The following TOR1AIP2 variants were observed in gnomAD, a reference collection of about 807,000 sequenced individuals.
TOR1AIP2 encodes torsin-1A-interacting protein 2.
A neutral mutation model predicts 32.6 loss-of-function variants in TOR1AIP2; 20 were observed. That is an observed-to-expected ratio of 0.61 (90% CI 0.43 to 0.89). The LOEUF is 0.89. Ranked by LOEUF, TOR1AIP2 falls within the 40% of genes least tolerant of loss-of-function variation. The pLI is 0.00. For synonymous variants in TOR1AIP2, 214 were observed against 210.8 expected, an observed-to-expected ratio of 1.02 and a Z score of -0.13; for missense variants, 456 against 553.8, an observed-to-expected ratio of 0.82 and a Z score of 1.77.
At chr1:179,866,827 CA>C (rs1297541788) in intron 2 of TOR1AIP2, among the ~76,000 whole-genome samples, 2 of 152,186 alleles carry the variant, frequency 1.3e-5, no homozygotes, top group Non-Finnish European at 2.9e-5. Flanking sequence ...TTGGAATTTG[CA>C]GATGTTATCA....
intron 3 of TOR1AIP2, chr1:179,864,442 G>C (rs937731681): frequency 1.9e-6 from 2 of 1,046,004 alleles, no homozygotes; most frequent in African/African-American, 3.4e-5. Context: ...CACAGTATAG[G>C]ACTTCCCCTC....
chr1:179,861,992 A>T, intron 3 of TOR1AIP2: 5 of 985,010 alleles, frequency 5.1e-6, no homozygotes, highest in Non-Finnish European at 6.0e-6. Context: ...ATGCCATGGC[A>T]CCCGGCATGA....
intron 3 of TOR1AIP2, chr1:179,862,257 T>C: frequency 1.0e-6 from 1 of 979,206 alleles, no homozygotes; most frequent in Non-Finnish European, 1.2e-6. Flanking sequence ...GAATGTTTCT[T>C]AGTATATGTC....
chr1:179,873,192 T>C (rs575382756), intron 2 of TOR1AIP2, among the ~76,000 whole-genome samples: 12 of 152,262 alleles, frequency 7.9e-5, no homozygotes, highest in Admixed American at 3.9e-4. Flanking sequence ...GGGTTCGGTG[T>C]TTTTTGTTTT....
At chr1:179,854,740 G>A (rs942870100) in intron 3 of TOR1AIP2, among the ~76,000 whole-genome samples, 5 of 151,886 alleles carry the variant, frequency 3.3e-5, no homozygotes, top group African/African-American at 7.3e-5. Flanking sequence ...GCATGGTGGC[G>A]CATGCCTGTA....
At chr1:179,849,643 A>G (rs535146446) in intron 5 of TOR1AIP2, among the ~76,000 whole-genome samples, 9 of 151,558 alleles carry the variant, frequency 5.9e-5, no homozygotes, top group Non-Finnish European at 1.0e-4. Flanking sequence ...TGCAGTGGCT[A>G]TTCACAGGGG....
rs1695924772 is a variant in TOR1AIP2 at position 179,846,790 on chromosome 1, C to T, written c.694G>A (p.Ala232Thr). 1 of 1,608,800 alleles carries T rather than the reference C, an allele frequency of 6.2e-7. No homozygotes were observed. The highest frequency in any genetic ancestry group is 1.7e-5 in the Admixed American group (1 of 59,824). Residue 232 changes from alanine to threonine, a missense_variant, in exon 7 of 7, where the codon GCA (alanine) becomes ACA (threonine). Transcript: ENST00000609928. ...ILVVLVVAVV[A>T]SSVNSYYSSP... ...GAATAGTAGCTATTCACAGAACTTG[C>T]CACAACAGCCACAACCAGGACGACA... is the stretch of plus-strand genomic sequence containing the variant.
In TOR1AIP2 at chr1:179,846,706, TA is replaced by T. The variant is rs1157767888; in HGVS notation, c.777del (p.Phe259LeufsTer50). 1.2e-6 allele frequency: 2 copies of T among 1,613,994 alleles called. No individual in the cohort carries two copies. The highest frequency in any genetic ancestry group is 2.7e-5 in the African/African-American group (2 of 74,888). On this transcript the variant is annotated frameshift_variant, in exon 7 of 7. Coordinates refer to ENST00000609928, the MANE Select transcript of TOR1AIP2 (RefSeq NM_001199260.2). LOFTEE classifies it high-confidence loss of function. ...CCTGGAAATTTATCTTCCAATTGGC[TA>T]AACTGGGCCAAAAAGGCCTCCAAAG... ...NPALEAFLAQ[F>X]SQLEDKFPGQ...
rs749587597 is a variant in TOR1AIP2 at position 179,851,200 on chromosome 1, T to C, written c.198A>G (p.Thr66=). Residue 66 remains threonine, a synonymous_variant, in exon 5 of 7, where the codon ACA becomes ACG. Coordinates refer to ENST00000609928, the MANE Select transcript of TOR1AIP2 (RefSeq NM_001199260.2). The part of the protein sequence containing the change: ...VETEGPESAD[T]GDKSESPDEA... The stretch of plus-strand genomic sequence containing the variant: ...CATCTGGACTTTCTGATTTATCACC[T>C]GTATCTGCACTTTCTGGACCTTCTG... The C allele has an allele frequency of 5.6e-6, 9 of 1,613,970 alleles. No homozygotes were observed. Among genetic ancestry groups the C allele is most frequent in the Non-Finnish European group, 7.6e-6 (9 of 1,180,042 alleles).
intron 3 of TOR1AIP2, chr1:179,859,749 A>G (rs1441044060): frequency 1.0e-6 from 1 of 985,314 alleles, no homozygotes; most frequent in Non-Finnish European, 1.2e-6. Context: ...CTTTACACCC[A>G]AGACCATCTG....
intron 3 of TOR1AIP2, chr1:179,859,751 G>A: frequency 3.0e-6 from 3 of 985,362 alleles, no homozygotes; most frequent in Non-Finnish European, 3.6e-6. Flanking sequence ...TTACACCCAA[G>A]ACCATCTGAC....
Position 179,846,617 on chromosome 1 carries a change from G to T in TOR1AIP2, c.867C>A (p.Asn289Lys). 2 of 1,614,150 alleles carry T rather than the reference G, an allele frequency of 1.2e-6. No individual in the cohort carries two copies. The highest frequency in any genetic ancestry group is 2.2e-5 in the East Asian group (1 of 44,886). The part of the protein sequence containing the change: ...KFLQKHLNAS[N>K]PTEPATIIFT... ...ATATGATGGTGGCTGGCTCAGTGGG[G>T]TTGGAAGCATTGAGGTGCTTCTGGA... Residue 289 changes from asparagine (N) to lysine (K), a missense_variant, in exon 7 of 7, where the codon AAC becomes AAA. By Grantham distance (94) the Asn-to-Lys change is moderately conservative. Coordinates refer to ENST00000609928, the MANE Select transcript of TOR1AIP2 (RefSeq NM_001199260.2).
At position 179,869,814 on chromosome 1, in the gene TOR1AIP2, C is replaced by T. The variant is rs1392772041; in HGVS notation, c.-565-3960G>A. ...CAAATTAGAAAAAGGCACAGTTCCT[C>T]CAAGCAATATACAACTCAGAAAACT... On this transcript the variant is annotated intron_variant, in intron 2 of 6. Transcript: ENST00000609928. Among the ~76,000 whole-genome samples the T allele has an allele frequency of 3.3e-5, 5 of 152,200 alleles. No individual in the cohort carries two copies. In the East Asian group the frequency reaches 7.7e-4, roughly 23 times the overall value.
intron 2 of TOR1AIP2, chr1:179,874,298 C>T (rs1266840381): frequency 6.6e-6 from 1 of 152,226 alleles, no homozygotes; most frequent in Non-Finnish European, 1.5e-5. Context: ...CCTGCAGTCT[C>T]AGTTATTTGG....
chr1:179,859,135 A>T, intron 3 of TOR1AIP2: 3 of 985,424 alleles, frequency 3.0e-6, no homozygotes, highest in Non-Finnish European at 3.6e-6. Context: ...GCCCTGAAAC[A>T]AGTAGTTACA....
chr1:179,876,991 T>C (rs1454212734), intron 2 of TOR1AIP2, among the ~76,000 whole-genome samples: 1 of 150,944 alleles, frequency 6.6e-6, no homozygotes, highest in East Asian at 1.9e-4. Flanking sequence ...AGCACCAATT[T>C]TTTTTTTTTT....
intron 3 of TOR1AIP2, among the ~76,000 whole-genome samples, chr1:179,856,570 T>C (rs543922279): frequency 6.6e-5 from 10 of 152,320 alleles, no homozygotes; most frequent in Middle Eastern, 3.4e-3. Flanking sequence ...AAAGGTCACA[T>C]GGCAGGGTAT....
At chr1:179,865,136 T>C in intron 3 of TOR1AIP2, 1 of 1,613,142 alleles carries the variant, frequency 6.2e-7, no homozygotes, top group Non-Finnish European at 8.5e-7. Flanking sequence ...AGGGAACCAC[T>C]GTTGTCCACA....
chr1:179,859,734 T>C, intron 3 of TOR1AIP2: 5 of 985,456 alleles, frequency 5.1e-6, no homozygotes, highest in Non-Finnish European at 6.0e-6. Context: ...TCCAGGCCTT[T>C]TAATCTTTAC....
Sources: allele counts gnomAD v4.1 joint callset (sites outside exome capture counted in the v4.1 genomes callset), GRCh38; gene constraint gnomAD v4.1.1; transcripts MANE v1.5; gene names NCBI Gene and HGNC (gene_info 2026-07-23, HGNC 2026-07-21).